AGBL4: variants seen among roughly 807,000 people sequenced by gnomAD.
AGBL4 encodes the protein AGBL carboxypeptidase 4, also known as cytosolic carboxypeptidase 6.
Under a neutral mutation model 66.4 loss-of-function variants are expected in AGBL4, and 58 were observed. The ratio of observed to expected loss-of-function variants is 0.87; its 90% CI spans 0.71 to 1.09. AGBL4 has a LOEUF of 1.09. AGBL4 is among the 50% of genes least tolerant of loss of function. The probability of loss-of-function intolerance (pLI) is 0.00; values close to 1 mark genes in which losing one functional copy is unlikely to be tolerated. For synonymous variants in AGBL4, 234 were observed against 222.9 expected (o/e 1.05, Z -0.44); for missense variants, 579 against 631.0 (o/e 0.92, Z 0.88).
At chr1:48,727,752 C>T (rs900866542) in intron 6 of AGBL4, 50 of 782,664 alleles carry the variant, frequency 6.4e-5, no homozygotes, top group East Asian at 3.6e-4. Flanking sequence ...CAGAACAAGC[C>T]GCTGACCCCA....
At chr1:49,390,531 C>T (rs577425527) in intron 3 of AGBL4, among the ~76,000 whole-genome samples, 4 of 152,326 alleles carry the variant, frequency 2.6e-5, no homozygotes, top group African/African-American at 9.6e-5. Context: ...AGGTGCTTTA[C>T]ATACTTGCAT....
intron 2 of AGBL4, among the ~76,000 whole-genome samples, chr1:49,812,479 AAG>A (rs1276929324): frequency 6.6e-6 from 1 of 152,206 alleles, no homozygotes; most frequent in Non-Finnish European, 1.5e-5. Context: ...TACATCAAAA[AAG>A]AGCCAGTTCC....
intron 6 of AGBL4, among the ~76,000 whole-genome samples, chr1:48,843,900 CTCT>C (rs1165774768): frequency 6.6e-6 from 1 of 152,104 alleles, no homozygotes; most frequent in Admixed American, 6.5e-5. Context: ...CCTCAGAGTT[CTCT>C]TCTGTTTCTT....
chr1:49,743,990 C>T (rs1301469198), intron 2 of AGBL4, among the ~76,000 whole-genome samples: 1 of 151,686 alleles, frequency 6.6e-6, no homozygotes, highest in Admixed American at 6.6e-5. Flanking sequence ...ACCAGCATGG[C>T]ACATGTATAC....
intron 3 of AGBL4, among the ~76,000 whole-genome samples, chr1:49,520,820 T>C (rs1490712117): frequency 1.3e-5 from 2 of 151,570 alleles, no homozygotes; most frequent in African/African-American, 4.8e-5. Flanking sequence ...TTTTTTTTTT[T>C]TTTTTTGGAG....
chr1:49,977,103 T>C (rs938199236), intron 1 of AGBL4, among the ~76,000 whole-genome samples: 2 of 152,248 alleles, frequency 1.3e-5, no homozygotes, highest in Admixed American at 1.3e-4. Flanking sequence ...CACTGTCAGA[T>C]GAAGATATTA....
At chr1:49,655,061 C>T (rs1005968146) in intron 3 of AGBL4, among the ~76,000 whole-genome samples, 4 of 152,050 alleles carry the variant, frequency 2.6e-5, no homozygotes, top group Admixed American at 6.6e-5. Flanking sequence ...ATGCTCATAC[C>T]GGTTATGCTG....
At chr1:49,609,571 G>A (rs1645117668) in intron 3 of AGBL4, among the ~76,000 whole-genome samples, 1 of 152,132 alleles carries the variant, frequency 6.6e-6, no homozygotes, top group South Asian at 2.1e-4. Context: ...TGTTTTCCTA[G>A]ACTATTTAGC....
intron 4 of AGBL4, among the ~76,000 whole-genome samples, chr1:49,185,329 C>A (rs1344498162): frequency 6.6e-6 from 1 of 152,184 alleles, no homozygotes; most frequent in African/African-American, 2.4e-5. Flanking sequence ...CAGCTACAAG[C>A]AAAGCATCAC....
chr1:48,537,557 C>T (rs946071296), intron 12 of AGBL4, among the ~76,000 whole-genome samples: 1 of 152,176 alleles, frequency 6.6e-6, no homozygotes, highest in Non-Finnish European at 1.5e-5. Flanking sequence ...CTGGCTCTGA[C>T]CACATGACTC....
chr1:48,909,662 G>A (rs910459793), intron 5 of AGBL4, among the ~76,000 whole-genome samples: 5 of 152,018 alleles, frequency 3.3e-5, no homozygotes, highest in Non-Finnish European at 5.9e-5. Context: ...CAACTTGCTC[G>A]GGAAAAAAAC....
At chr1:49,495,250 A>C (rs1303357553) in intron 3 of AGBL4, among the ~76,000 whole-genome samples, 1 of 152,134 alleles carries the variant, frequency 6.6e-6, no homozygotes, top group African/African-American at 2.4e-5. Context: ...CTAATATCTT[A>C]CAACTAGCTT....
chr1:49,542,914 A>AAC (rs1652172770), intron 3 of AGBL4, among the ~76,000 whole-genome samples: 3 of 149,942 alleles, frequency 2.0e-5, no homozygotes, highest in African/African-American at 5.0e-5. Context: ...AAAAAAAAAA[A>AAC]AAAAAAAAAA....
chr1:49,165,523 G>A (rs1270982326), intron 4 of AGBL4, among the ~76,000 whole-genome samples: 2 of 151,954 alleles, frequency 1.3e-5, no homozygotes, highest in African/African-American at 4.8e-5. Flanking sequence ...CCTCAACTAG[G>A]CAACTGGCAT....
At chr1:48,875,194 C>T (rs558561736) in intron 5 of AGBL4, among the ~76,000 whole-genome samples, 1 of 152,162 alleles carries the variant, frequency 6.6e-6, no homozygotes, top group East Asian at 1.9e-4. Flanking sequence ...GGTAAGTGCT[C>T]CCAAGAAAAA....
chr1:49,751,995 G>A (rs559228504), intron 2 of AGBL4, among the ~76,000 whole-genome samples: 35 of 150,122 alleles, frequency 2.3e-4, no homozygotes, highest in Admixed American at 1.3e-3. Flanking sequence ...CTGGCTTGTG[G>A]TCTATTTTAT....
intron 3 of AGBL4, among the ~76,000 whole-genome samples, chr1:49,502,066 G>A (rs1182398904): frequency 3.3e-5 from 5 of 152,072 alleles, no homozygotes; most frequent in African/African-American, 4.8e-5. Context: ...GTCATTTTGA[G>A]AAGAATATGT....
chr1:49,147,396 C>T (rs776282817), intron 4 of AGBL4, among the ~76,000 whole-genome samples: 1 of 152,168 alleles, frequency 6.6e-6, no homozygotes, highest in Non-Finnish European at 1.5e-5. Context: ...TTTCACACCA[C>T]TGCTGCATGT....
chr1:49,683,872 A>G (rs1646741679), intron 3 of AGBL4, among the ~76,000 whole-genome samples: 1 of 152,206 alleles, frequency 6.6e-6, no homozygotes, highest in African/African-American at 2.4e-5. Context: ...TTTGCTGTTC[A>G]ATACTGATGT....
Sources: gnomAD v4.1 joint callset for allele counts (sites outside exome capture counted in the v4.1 genomes callset) on GRCh38, gnomAD v4.1.1 for gene constraint, MANE v1.5 for transcripts, NCBI Gene and HGNC (gene_info 2026-07-23, HGNC 2026-07-21) for gene names.